The following PDE3A variants were observed in gnomAD, a reference collection of about 807,000 sequenced individuals.
PDE3A encodes the protein phosphodiesterase 3A, also known as cGMP-inhibited 3',5'-cyclic phosphodiesterase 3A.
Under a neutral mutation model 98.3 loss-of-function variants are expected in PDE3A, and 43 were observed. That is an observed-to-expected ratio of 0.44 (90% confidence interval 0.34 to 0.56). The LOEUF is 0.56. Ranked by LOEUF, PDE3A falls within the 20% of genes least tolerant of loss-of-function variation. The probability of loss-of-function intolerance (pLI) is 0.01; values close to 1 mark genes in which losing one functional copy is unlikely to be tolerated. For missense variants in PDE3A, 1,427 were observed against 1,440.7 expected (o/e 0.99, Z 0.15); for synonymous variants, 663 against 567.9 (o/e 1.17, Z -2.38).
At chr12:20,577,749 T>C (rs1400060571) in intron 2 of PDE3A, among the ~76,000 whole-genome samples, 2 of 152,186 alleles carry the variant, frequency 1.3e-5, no homozygotes, top group African/African-American at 4.8e-5. Flanking sequence ...TTTGTGGTTG[T>C]GTTCTGTGGC....
chr12:20,600,201 T>A (rs1307719536), intron 2 of PDE3A, among the ~76,000 whole-genome samples: 1 of 152,212 alleles, frequency 6.6e-6, no homozygotes, highest in African/African-American at 2.4e-5. Flanking sequence ...AATGCCCAAA[T>A]GTATATTTCC....
intron 15 of PDE3A, among the ~76,000 whole-genome samples, chr12:20,668,983 C>A (rs937372295): frequency 6.7e-6 from 1 of 149,576 alleles, no homozygotes; most frequent in Non-Finnish European, 1.5e-5. Context: ...ACTAGAATAA[C>A]CAATACAGAG....
chr12:20,570,396 C>T (rs1018136431), intron 2 of PDE3A, among the ~76,000 whole-genome samples: 11 of 92,560 alleles, frequency 1.2e-4, no homozygotes, highest in Admixed American at 8.9e-4. Context: ...CAACAGAATG[C>T]GACGCTGTCT....
chr12:20,506,061 T>C (rs1356585075), intron 1 of PDE3A, among the ~76,000 whole-genome samples: 1 of 151,538 alleles, frequency 6.6e-6, no homozygotes, highest in African/African-American at 2.4e-5. Flanking sequence ...CCAAATAATA[T>C]ATATTAGGGT....
intron 1 of PDE3A, among the ~76,000 whole-genome samples, chr12:20,542,223 C>T (rs10841561): frequency 9.2e-5 from 14 of 151,824 alleles, no homozygotes; most frequent in Non-Finnish European, 1.8e-4. Context: ...TTTGGAAAAA[C>T]GTAACTTTCA....
At chr12:20,602,043 C>CTT (rs1192697778) in intron 2 of PDE3A, among the ~76,000 whole-genome samples, 6 of 152,288 alleles carry the variant, frequency 3.9e-5, no homozygotes, top group African/African-American at 1.4e-4. Flanking sequence ...TTTTAAAACT[C>CTT]TTTCTCATAT....
intron 1 of PDE3A, among the ~76,000 whole-genome samples, chr12:20,485,792 T>TTG (rs143490573): frequency 0.018 from 2,751 of 152,300 alleles, 28 homozygotes; most frequent in Non-Finnish European, 0.021. Flanking sequence ...TTTAATGCAT[T>TTG]TGTGCTCTTT....
intron 1 of PDE3A, among the ~76,000 whole-genome samples, chr12:20,393,999 G>A (rs1943964791): frequency 1.3e-5 from 2 of 151,990 alleles, no homozygotes; most frequent in Non-Finnish European, 2.9e-5. Context: ...TTTACAAATC[G>A]CAGCTCTATA....
intron 1 of PDE3A, among the ~76,000 whole-genome samples, chr12:20,417,378 A>G (rs972941167): frequency 3.3e-5 from 5 of 152,214 alleles, no homozygotes; most frequent in African/African-American, 1.2e-4. Flanking sequence ...CAAGTCCCCA[A>G]TTATATCTTT....
At chr12:20,408,339 C>T (rs940961693) in intron 1 of PDE3A, among the ~76,000 whole-genome samples, 1 of 152,146 alleles carries the variant, frequency 6.6e-6, no homozygotes, top group Non-Finnish European at 1.5e-5. Context: ...AGTCTTCCTA[C>T]ATAAAATATT....
At chr12:20,662,111 G>A (rs940943628) in intron 15 of PDE3A, among the ~76,000 whole-genome samples, 3 of 152,156 alleles carry the variant, frequency 2.0e-5, no homozygotes, top group Non-Finnish European at 4.4e-5. Flanking sequence ...CTCCAGCCAT[G>A]TGAAACTGTA....
chr12:20,533,317 G>T (rs1941659029), intron 1 of PDE3A, among the ~76,000 whole-genome samples: 1 of 151,672 alleles, frequency 6.6e-6, no homozygotes, highest in African/African-American at 2.4e-5. Flanking sequence ...CCTCAGAAAT[G>T]GTTATCCATG....
intron 2 of PDE3A, among the ~76,000 whole-genome samples, chr12:20,576,871 C>A (rs1475356190): frequency 6.6e-6 from 1 of 151,692 alleles, no homozygotes; most frequent in East Asian, 1.9e-4. Flanking sequence ...ATTCAGCAAC[C>A]TAGAGAGTAA....
chr12:20,415,449 T>C (rs1236968960), intron 1 of PDE3A, among the ~76,000 whole-genome samples: 1 of 151,866 alleles, frequency 6.6e-6, no homozygotes, highest in Non-Finnish European at 1.5e-5. Flanking sequence ...AGACGGAGTC[T>C]CACTCAGCTT....
At chr12:20,634,486 A>G (rs1944453630) in intron 7 of PDE3A, among the ~76,000 whole-genome samples, 1 of 152,098 alleles carries the variant, frequency 6.6e-6, no homozygotes, top group Non-Finnish European at 1.5e-5. Context: ...ATATGCCATC[A>G]CTCTGTGCTA....
intron 15 of PDE3A, among the ~76,000 whole-genome samples, chr12:20,678,705 G>A (rs77582449): frequency 0.021 from 3,137 of 152,282 alleles, 93 homozygotes; most frequent in African/African-American, 0.071. Context: ...CATAAGCAAA[G>A]GAGAAAGGAT....
At chr12:20,479,058 G>A (rs1945578891) in intron 1 of PDE3A, among the ~76,000 whole-genome samples, 1 of 151,964 alleles carries the variant, frequency 6.6e-6, no homozygotes, top group Admixed American at 6.6e-5. Flanking sequence ...CTCTACTTTT[G>A]CTTAGAAAAA....
chr12:20,426,866 T>C (rs552206881), intron 1 of PDE3A, among the ~76,000 whole-genome samples: 15 of 152,194 alleles, frequency 9.9e-5, no homozygotes, highest in South Asian at 2.1e-4. Context: ...CATATCCTCA[T>C]TGGGCTTGGG....
intron 6 of PDE3A, 31 bp from the exon 7 acceptor site, chr12:20,633,662 C>A (rs1944433235): frequency 7.4e-7 from 1 of 1,354,732 alleles, no homozygotes; most frequent in Non-Finnish European, 1.0e-6. Flanking sequence ...AAAGAGGAGG[C>A]TACACCTATA....
Sources: gnomAD v4.1 joint callset for allele counts (sites outside exome capture counted in the v4.1 genomes callset) on GRCh38, gnomAD v4.1.1 for gene constraint, MANE v1.5 for transcripts, NCBI Gene and HGNC (gene_info 2026-07-23, HGNC 2026-07-21) for gene names.